The following IGLL5 variants were observed in gnomAD, a reference collection of about 807,000 sequenced individuals.
IGLL5 encodes immunoglobulin lambda-like polypeptide 5.
IGLL5 carries 30 observed loss-of-function variants against 20.9 expected under a neutral mutation model. The observed-to-expected ratio is 1.44, with a 90% CI of 1.07 to 1.95. The LOEUF (loss-of-function observed/expected upper bound fraction) is 1.95. Among genes scored for constraint, IGLL5 ranks in the 30% most tolerant of loss-of-function variants. The pLI is 0.00. For missense variants in IGLL5, 475 were observed against 270.7 expected (o/e 1.75, Z -5.30); for synonymous variants, 203 against 117.3 (o/e 1.73, Z -4.72).
chr22:22,894,838 A>T, intron 2 of IGLL5, among the ~76,000 whole-genome samples: 1 of 151,356 alleles, frequency 6.6e-6, no homozygotes, highest in Admixed American at 6.6e-5. Flanking sequence ...AGGAGAGCCA[A>T]GTGGGCTGGG....
rs572956964 is a variant in IGLL5, at chr22:22,888,147, G to C, written c.94G>C (p.Ala32Pro). ...CTGGCCCCTGCTGCTGCTGGGTCTG[G>C]CCATGGTCGCCCATGGCCTGCTGCG... ...QRWPLLLLGL[A>P]MVAHGLLRPM... The change falls in exon 1 of 3, where the codon GCC becomes CCC. Residue 32 changes from alanine (A) to proline (P), a missense_variant. By Grantham distance (27) the Ala-to-Pro change is conservative. Transcript: ENST00000526893. 3.9e-6 allele frequency: 6 copies of C among 1,549,492 alleles called. No homozygotes were observed. Among genetic ancestry groups the C allele is most frequent in the East Asian group, 2.5e-5 (1 of 40,698 alleles).
In IGLL5 at chr22:22,888,150, A is replaced by G. The variant is rs753218010; in HGVS notation, c.97A>G (p.Met33Val). The G allele has an allele frequency of 9.0e-6, 14 of 1,549,282 alleles. No homozygotes were observed. The highest frequency in any genetic ancestry group is 1.7e-4 in the Middle Eastern group (1 of 5,870). Residue 33 changes from methionine (M) to valine (V), a missense_variant, in exon 1 of 3, where the codon ATG becomes GTG. Transcript: ENST00000526893. ...GCCCCTGCTGCTGCTGGGTCTGGCC[A>G]TGGTCGCCCATGGCCTGCTGCGCCC... ...RWPLLLLGLA[M>V]VAHGLLRPMV... is the part of the protein sequence containing the mutation.
intron 1 of IGLL5, among the ~76,000 whole-genome samples, chr22:22,893,395 C>T (rs918427454): frequency 3.3e-5 from 5 of 151,096 alleles, no homozygotes; most frequent in African/African-American, 1.2e-4. Context: ...GACTCAGAGG[C>T]CCTTTAAATG....
Position 22,893,780 on chromosome 22 carries a change from G to GGC in IGLL5, c.287_288insGC (p.Cys96TrpfsTer14). ...TTTTGGTCTGAGCCTCAGTCACTGT[G>GGC]TTATGTCTTCGGAACTGGGACCAAG... On this transcript the variant is annotated frameshift_variant, in exon 2 of 3. Transcript: ENST00000526893. LOFTEE classifies it high-confidence loss of function. 6.2e-7 allele frequency: 1 copy of GGC among 1,605,460 alleles called. No homozygotes were observed. The highest frequency in any genetic ancestry group is 2.3e-5 in the East Asian group (1 of 44,254).
intron 1 of IGLL5, among the ~76,000 whole-genome samples, chr22:22,888,625 T>A (rs1379699331): frequency 3.3e-5 from 5 of 150,966 alleles, no homozygotes; most frequent in Admixed American, 6.6e-5. Flanking sequence ...CCCAGGCCTG[T>A]TCCTCCCCCT....
intron 1 of IGLL5, among the ~76,000 whole-genome samples, chr22:22,889,943 A>G (rs564047567): frequency 6.6e-6 from 1 of 151,320 alleles, no homozygotes; most frequent in Non-Finnish European, 1.5e-5. Flanking sequence ...CCTGTCAGAA[A>G]ATATAGAAAA....
At chr22:22,888,650 A>C (rs1601602792) in intron 1 of IGLL5, among the ~76,000 whole-genome samples, 6 of 151,140 alleles carry the variant, frequency 4.0e-5, no homozygotes, top group East Asian at 2.0e-4. Context: ...CTCTCTGCCC[A>C]TGTGCCTCCT....
intron 1 of IGLL5, among the ~76,000 whole-genome samples, chr22:22,890,857 G>A (rs2067823307): frequency 6.6e-6 from 1 of 150,954 alleles, no homozygotes; most frequent in East Asian, 2.0e-4. Flanking sequence ...TTTATTACTG[G>A]TGAAATTATT....
At chr22:22,889,331 G>A (rs2067708000) in intron 1 of IGLL5, among the ~76,000 whole-genome samples, 1 of 151,016 alleles carries the variant, frequency 6.6e-6, no homozygotes, top group Non-Finnish European at 1.5e-5. Flanking sequence ...CACGCTCGGG[G>A]ACTGTCTATG....
intron 2 of IGLL5, among the ~76,000 whole-genome samples, chr22:22,894,318 A>C (rs538267050): frequency 1.3e-5 from 2 of 151,364 alleles, no homozygotes; most frequent in Middle Eastern, 3.7e-3. Flanking sequence ...AGGTCACCCC[A>C]AGGGGAGACC....
At chr22:22,894,334 A>G (rs2068018154) in intron 2 of IGLL5, among the ~76,000 whole-genome samples, 1 of 151,384 alleles carries the variant, frequency 6.6e-6, no homozygotes, top group African/African-American at 2.4e-5. Flanking sequence ...AGACCAATGG[A>G]GGGCACAGAG....
chr22:22,890,928 C>T (rs2067826530), intron 1 of IGLL5, among the ~76,000 whole-genome samples: 1 of 150,848 alleles, frequency 6.6e-6, no homozygotes, highest in Non-Finnish European at 1.5e-5. Context: ...TCATGTTGCC[C>T]GCCTTTCCAT....
intron 1 of IGLL5, among the ~76,000 whole-genome samples, chr22:22,889,529 T>C (rs2067729605): frequency 6.6e-6 from 1 of 151,268 alleles, no homozygotes; most frequent in African/African-American, 2.4e-5. Flanking sequence ...GGGAGAAAAC[T>C]GGAAAAAATC....
At chr22:22,888,693 A>G (rs570626804) in intron 1 of IGLL5, among the ~76,000 whole-genome samples, 6 of 151,296 alleles carry the variant, frequency 4.0e-5, no homozygotes, top group South Asian at 4.2e-4. Flanking sequence ...TCCCTGGAGA[A>G]GGCAGCAAGG....
Position 22,891,792 on chromosome 22 carries a change from G to A in IGLL5, c.207-1908G>A, listed in dbSNP as rs374248770. On this transcript the variant is annotated intron_variant, in intron 1 of 2. Transcript: ENST00000526893. ...ATAAATTTTTTCACAATTTTATATC[G>A]TAAATGATTACTGTTTCTATAGCAA... Among the ~76,000 whole-genome samples, 368 of 151,034 alleles carry A rather than the reference G, an allele frequency of 2.4e-3. 4 individuals are homozygous for A. The South Asian group carries it at 0.029, about 12-fold the overall frequency.
At chr22:22,888,875 CTGGGATGA>C in intron 1 of IGLL5, among the ~76,000 whole-genome samples, 1 of 151,452 alleles carries the variant, frequency 6.6e-6, no homozygotes, top group Non-Finnish European at 1.5e-5. Context: ...GGATCTCCCT[CTGGGATGA>C]TGCCCAGGCT....
chr22:22,889,346 T>A (rs1034309076), intron 1 of IGLL5, among the ~76,000 whole-genome samples: 1 of 151,020 alleles, frequency 6.6e-6, no homozygotes, highest in African/African-American at 2.4e-5. Context: ...TCTATGGGCA[T>A]TAAAAATGTA....
chr22:22,888,451 A>G (rs186215914), intron 1 of IGLL5, among the ~76,000 whole-genome samples, 192 bp downstream of exon 1: 4 of 151,426 alleles, frequency 2.6e-5, no homozygotes, highest in South Asian at 2.1e-4. Flanking sequence ...TTTTAATATC[A>G]TATTACGATA....
chr22:22,894,456 A>C, intron 2 of IGLL5, among the ~76,000 whole-genome samples: 1 of 151,496 alleles, frequency 6.6e-6, no homozygotes, highest in South Asian at 2.1e-4. Context: ...CCCTCCCAGG[A>C]CAGTCACCAG....
Sources: allele counts gnomAD v4.1 joint callset (sites outside exome capture counted in the v4.1 genomes callset), GRCh38; gene constraint gnomAD v4.1.1; transcripts MANE v1.5; gene names NCBI Gene and HGNC (gene_info 2026-07-23, HGNC 2026-07-21).